Variants in MAML2 observed in about 807,000 individuals in gnomAD.
MAML2 encodes the protein mastermind like transcriptional coactivator 2, also known as mastermind-like protein 2.
In MAML2, 22 loss-of-function variants were observed where a neutral mutation model predicts 96.1. That is an observed-to-expected ratio of 0.23 (90% CI 0.16 to 0.33). MAML2 has a LOEUF of 0.33. Among genes scored for constraint, MAML2 ranks in the 10% least tolerant of loss-of-function variants. The probability of loss-of-function intolerance (pLI) is 1.00; values close to 1 mark genes in which losing one functional copy is unlikely to be tolerated. For synonymous variants in MAML2, 561 were observed against 521.3 expected, an observed-to-expected ratio of 1.08 and a Z score of -1.04; for missense variants, 1,367 against 1,392.4, an observed-to-expected ratio of 0.98 and a Z score of 0.29.
intron 1 of MAML2, among the ~76,000 whole-genome samples, chr11:96,133,918 C>T (rs915684727): frequency 1.3e-5 from 2 of 152,012 alleles, no homozygotes; most frequent in African/African-American, 4.8e-5. Flanking sequence ...CACTTGAGCC[C>T]AGGAGGCAGA....
chr11:95,983,639 T>G (rs1024134578), intron 4 of MAML2, among the ~76,000 whole-genome samples: 1 of 152,310 alleles, frequency 6.6e-6, no homozygotes, highest in Admixed American at 6.5e-5. Flanking sequence ...ACACACTGTT[T>G]ACATACATCA....
At chr11:96,338,392 T>C (rs1591140015) in intron 1 of MAML2, among the ~76,000 whole-genome samples, 1 of 152,344 alleles carries the variant, frequency 6.6e-6, no homozygotes, top group South Asian at 2.1e-4. Flanking sequence ...ACTGGCTGAG[T>C]AAGGGCTGTA....
intron 2 of MAML2, among the ~76,000 whole-genome samples, chr11:95,992,829 G>A (rs956037326): frequency 2.0e-5 from 3 of 151,938 alleles, no homozygotes; most frequent in African/African-American, 7.3e-5. Flanking sequence ...ATTGGTCCAG[G>A]GAATATGCTT....
intron 1 of MAML2, among the ~76,000 whole-genome samples, chr11:96,187,928 C>T (rs1354934799): frequency 1.3e-5 from 2 of 152,188 alleles, no homozygotes; most frequent in Non-Finnish European, 2.9e-5. Flanking sequence ...CTTCTGACTC[C>T]AGCACTGTGC....
intron 2 of MAML2, among the ~76,000 whole-genome samples, chr11:96,005,150 CT>C (rs1413219644): frequency 1.3e-5 from 2 of 152,152 alleles, no homozygotes; most frequent in Non-Finnish European, 2.9e-5. Flanking sequence ...CATTTCTGTT[CT>C]TTATAAATTA....
At chr11:96,166,177 TCACACACACACACACACACA>T (rs1555018442) in intron 1 of MAML2, among the ~76,000 whole-genome samples, 1 of 110,330 alleles carries the variant, frequency 9.1e-6, no homozygotes, top group African/African-American at 3.5e-5. Context: ...TCTCTCTCTC[TCACACACACACACACACACA>T]CACACACACA....
rs544007016 is a variant in MAML2 at position 96,051,021 on chromosome 11, A to T, written c.2139+40871T>A. 1.7e-4 allele frequency among the ~76,000 whole-genome samples: 26 copies of T among 150,970 alleles called. No individual in the cohort carries two copies. In the South Asian group the frequency reaches 4.9e-3, roughly 29 times the overall value. ...CTAAATGTCTAGCTGAGCCTAAGAA[A>T]TCCCCCTGCTGGCTGTTGCATGTTG... On this transcript the variant is annotated intron_variant, in intron 2 of 4. Transcript: ENST00000524717.
At chr11:96,069,825 C>G (rs1475318445) in intron 2 of MAML2, among the ~76,000 whole-genome samples, 24 of 151,970 alleles carry the variant, frequency 1.6e-4, no homozygotes, top group African/African-American at 4.8e-5. Context: ...GAGATGGAGA[C>G]CATCCTGGCC....
At chr11:96,064,597 T>C (rs1859217505) in intron 2 of MAML2, among the ~76,000 whole-genome samples, 1 of 152,244 alleles carries the variant, frequency 6.6e-6, no homozygotes, top group Admixed American at 6.5e-5. Context: ...CTCAGTATTC[T>C]TTTCTACGAA....
chr11:96,074,493 A>C (rs978401147), intron 2 of MAML2, among the ~76,000 whole-genome samples: 1 of 152,262 alleles, frequency 6.6e-6, no homozygotes, highest in Admixed American at 6.5e-5. Flanking sequence ...CAAAAGATTC[A>C]TGTCTTCAAT....
chr11:96,112,430 C>T (rs577103205), intron 1 of MAML2, among the ~76,000 whole-genome samples: 13 of 152,370 alleles, frequency 8.5e-5, no homozygotes, highest in East Asian at 7.7e-4. Context: ...AGCAGGGCTC[C>T]GCCCAAGAAC....
At chr11:96,249,976 C>CTAGTTTACTCTGGTCCT (rs1373398518) in intron 1 of MAML2, among the ~76,000 whole-genome samples, 1 of 152,186 alleles carries the variant, frequency 6.6e-6, no homozygotes, top group Non-Finnish European at 1.5e-5. Flanking sequence ...TCACTCCCAC[C>CTAGTTTACTCTGGTCCT]TAGTTTACTC....
In MAML2 at chr11:96,092,330, C is replaced by G; in HGVS notation, c.1701G>C (p.Ala567=). The G allele has an allele frequency of 6.2e-7, 1 of 1,604,114 alleles. No individual in the cohort carries two copies. Among genetic ancestry groups the G allele is most frequent in the Non-Finnish European group, 8.5e-7 (1 of 1,175,196 alleles). The change falls in exon 2 of 5, where the codon GCG becomes GCC. Residue 567 remains alanine (A), a synonymous_variant. Coordinates refer to ENST00000524717, the MANE Select transcript of MAML2 (RefSeq NM_032427.4). This position sits in a 1 kb window ranked among gnomAD's most constrained non-coding sequence, Gnocchi z 4.1. The part of the protein sequence containing the change: ...KPLFHFNSDQ[A]NQQMPSVLPS... ...GCAAAACAGAAGGCATCTGCTGGTT[C>G]GCTTGATCTGAGTTAAAATGAAACA...
intron 1 of MAML2, among the ~76,000 whole-genome samples, chr11:96,209,601 CAAACAAAA>C (rs1861940139): frequency 1.9e-4 from 8 of 42,144 alleles, no homozygotes; most frequent in African/African-American, 5.2e-4. Flanking sequence ...AACAAACAAA[CAAACAAAA>C]AAGCAAAGTA....
chr11:96,216,831 G>A (rs965617524), intron 1 of MAML2, among the ~76,000 whole-genome samples: 1 of 152,186 alleles, frequency 6.6e-6, no homozygotes, highest in Non-Finnish European at 1.5e-5. Flanking sequence ...ATCCAACTCT[G>A]GGTAGGACAC....
rs1019100040 is a variant in MAML2 at position 96,069,911 on chromosome 11, T to C, written c.2139+21981A>G. ...GGTGGTGCGTGCCTGTAATCCCAGC[T>C]ACTTAGGAGGCTGAGGCAGGAGGAA... On this transcript the variant is annotated intron_variant, in intron 2 of 4. Transcript: ENST00000524717. Among the ~76,000 whole-genome samples the C allele has an allele frequency of 2.0e-5, 3 of 151,032 alleles. No homozygotes were observed. In the East Asian group the frequency reaches 5.8e-4, roughly 29 times the overall value.
At chr11:96,189,982 T>TA (rs1031507651) in intron 1 of MAML2, among the ~76,000 whole-genome samples, 7 of 152,084 alleles carry the variant, frequency 4.6e-5, no homozygotes, top group Non-Finnish European at 7.4e-5. Context: ...GACACAAAGA[T>TA]AAAAAAAATC....
chr11:96,222,792 C>G (rs1415733722), intron 1 of MAML2, among the ~76,000 whole-genome samples: 1 of 152,034 alleles, frequency 6.6e-6, no homozygotes, highest in Admixed American at 6.6e-5. Flanking sequence ...GCTAGGGATT[C>G]TTTGGTAATT....
At position 96,243,159 on chromosome 11, in the gene MAML2, G is replaced by C. The variant is rs552295235; in HGVS notation, c.513+98224C>G. Among the ~76,000 whole-genome samples, 4 of 152,178 alleles carry C rather than the reference G, an allele frequency of 2.6e-5. No homozygotes were observed. The South Asian group carries it at 8.3e-4, about 32-fold the overall frequency. ...CACACACACACACTTGTTCCCAGTA[G>C]AGTTTATTTAATGTGTCTTTTATAG... is the stretch of plus-strand genomic sequence containing the variant. On this transcript the variant is annotated intron_variant, in intron 1 of 4. Coordinates refer to ENST00000524717, the MANE Select transcript of MAML2 (RefSeq NM_032427.4).
Sources: allele counts gnomAD v4.1 joint callset (sites outside exome capture counted in the v4.1 genomes callset), GRCh38; gene constraint gnomAD v4.1.1; non-coding constraint Gnocchi (gnomAD v3.1); transcripts MANE v1.5; gene names NCBI Gene and HGNC (gene_info 2026-07-23, HGNC 2026-07-21).